Variants in DCC observed in about 807,000 individuals in gnomAD.
DCC encodes netrin receptor DCC.
In DCC, 58 loss-of-function variants were observed where a neutral mutation model predicts 172.5. The observed-to-expected ratio is 0.34, with a 90% CI of 0.27 to 0.42. The LOEUF (loss-of-function observed/expected upper bound fraction) is 0.42, where lower values mean the gene tolerates loss of function less well. Ranked by LOEUF, DCC falls within the 10% of genes least tolerant of loss-of-function variation. The pLI, the probability that DCC is intolerant of heterozygous loss-of-function variation, is 1.00. For synonymous variants in DCC, 709 were observed against 644.5 expected (o/e 1.10, Z -1.52); for missense variants, 1,740 against 1,791.0 (o/e 0.97, Z 0.51).
At chr18:53,309,924 A>ATG (rs1317368015) in intron 13 of DCC, among the ~76,000 whole-genome samples, 1 of 50,720 alleles carries the variant, frequency 2.0e-5, no homozygotes. Context: ...ATGTGCGTGT[A>ATG]TATATATATA....
At chr18:53,392,360 G>T (rs763810179) in intron 17 of DCC, among the ~76,000 whole-genome samples, 1 of 151,952 alleles carries the variant, frequency 6.6e-6, no homozygotes, top group Non-Finnish European at 1.5e-5. Context: ...AGCACTCTAA[G>T]CCATTAACAT....
At chr18:53,351,464 G>GTATATA (rs35650757) in intron 15 of DCC, among the ~76,000 whole-genome samples, 381 of 33,214 alleles carry the variant, frequency 0.011, 25 homozygotes, top group African/African-American at 0.038. Context: ...TATACACAGT[G>GTATATA]TGTATATATA....
At chr18:52,483,191 G>A (rs1328541439) in intron 1 of DCC, among the ~76,000 whole-genome samples, 1 of 152,060 alleles carries the variant, frequency 6.6e-6, no homozygotes, top group African/African-American at 2.4e-5. Context: ...ATTGGATTTA[G>A]GGTAGCCCCT....
At chr18:53,354,304 T>C in intron 15 of DCC, among the ~76,000 whole-genome samples, 1 of 152,176 alleles carries the variant, frequency 6.6e-6, no homozygotes, top group East Asian at 1.9e-4. Context: ...AGTCAAATGG[T>C]ATTTCTAGTT....
At chr18:53,134,664 TG>T (rs1279192952) in intron 7 of DCC, among the ~76,000 whole-genome samples, 1 of 152,154 alleles carries the variant, frequency 6.6e-6, no homozygotes, top group Non-Finnish European at 1.5e-5. Context: ...AATTTGACTC[TG>T]TGGTGGGTAG....
intron 1 of DCC, among the ~76,000 whole-genome samples, chr18:52,564,593 C>G (rs749526622): frequency 3.2e-4 from 47 of 147,992 alleles, no homozygotes; most frequent in Non-Finnish European, 4.4e-4. Context: ...AAGGAAACAA[C>G]TCTTCCAAAT....
At chr18:53,217,443 G>C (rs895525400) in intron 12 of DCC, among the ~76,000 whole-genome samples, 1 of 152,010 alleles carries the variant, frequency 6.6e-6, no homozygotes, top group Non-Finnish European at 1.5e-5. Context: ...TGCACTGCTA[G>C]AAAGTTTAAA....
chr18:53,032,754 C>T (rs1181385158), intron 5 of DCC, among the ~76,000 whole-genome samples: 1 of 152,084 alleles, frequency 6.6e-6, no homozygotes, highest in Admixed American at 6.6e-5. Context: ...TGCATGAGGA[C>T]ATAGGGATTC....
chr18:52,899,706 A>G (rs2039783261), intron 2 of DCC, among the ~76,000 whole-genome samples: 1 of 151,756 alleles, frequency 6.6e-6, no homozygotes, highest in African/African-American at 2.4e-5. Context: ...ATCGTGACCA[A>G]GTTGGTCTCA....
intron 2 of DCC, among the ~76,000 whole-genome samples, chr18:52,781,065 T>C (rs2037531941): frequency 6.6e-6 from 1 of 152,150 alleles, no homozygotes; most frequent in African/African-American, 2.4e-5. Context: ...CCAGGGAAAG[T>C]GTCTATTTTT....
At chr18:52,467,273 A>T (rs545567896) in intron 1 of DCC, among the ~76,000 whole-genome samples, 2 of 151,260 alleles carry the variant, frequency 1.3e-5, no homozygotes, top group Admixed American at 6.6e-5. Context: ...TTCAACTCCC[A>T]CTTATGAGTG....
At chr18:52,828,474 G>A (rs1307446429) in intron 2 of DCC, among the ~76,000 whole-genome samples, 1 of 151,902 alleles carries the variant, frequency 6.6e-6, no homozygotes, top group African/African-American at 2.4e-5. Flanking sequence ...TAATGGTTTT[G>A]ATCATGTGAT....
At chr18:53,345,323 T>G (rs1365756511) in intron 15 of DCC, among the ~76,000 whole-genome samples, 1 of 152,158 alleles carries the variant, frequency 6.6e-6, no homozygotes, top group Non-Finnish European at 1.5e-5. Context: ...TCTTTCCCAC[T>G]TTATTTAGGC....
chr18:53,360,555 C>T (rs2144930348), intron 15 of DCC, among the ~76,000 whole-genome samples: 1 of 152,130 alleles, frequency 6.6e-6, no homozygotes, highest in Admixed American at 6.5e-5. Flanking sequence ...AAAAAGTGGC[C>T]ATACAGTTCA....
chr18:52,991,573 C>T (rs2041392662), intron 5 of DCC, among the ~76,000 whole-genome samples: 1 of 152,174 alleles, frequency 6.6e-6, no homozygotes, highest in African/African-American at 2.4e-5. Flanking sequence ...TTCAGTTTCT[C>T]TCTCTACATG....
intron 5 of DCC, among the ~76,000 whole-genome samples, chr18:52,992,984 T>TA (rs5824983): frequency 0.027 from 3,509 of 131,078 alleles, 35 homozygotes; most frequent in Non-Finnish European, 0.034. Flanking sequence ...GTCTCAAATT[T>TA]AAAAAAAAAA....
intron 5 of DCC, among the ~76,000 whole-genome samples, chr18:52,964,725 A>T (rs2040901097): frequency 6.6e-6 from 1 of 152,168 alleles, no homozygotes. Context: ...TAAAAAAATT[A>T]CCACAAATGT....
chr18:52,669,888 G>A (rs1163441113), intron 1 of DCC, among the ~76,000 whole-genome samples: 2 of 152,270 alleles, frequency 1.3e-5, no homozygotes, highest in East Asian at 3.9e-4. Flanking sequence ...ACAAAGTGTG[G>A]TAGGGAAAGA....
At chr18:53,081,156 G>T (rs543354321) in intron 7 of DCC, among the ~76,000 whole-genome samples, 1 of 151,912 alleles carries the variant, frequency 6.6e-6, no homozygotes, top group African/African-American at 2.4e-5. Context: ...GGCAGACACA[G>T]ATTAGAACTG....
Sources: allele counts gnomAD v4.1 joint callset (sites outside exome capture counted in the v4.1 genomes callset), GRCh38; gene constraint gnomAD v4.1.1; transcripts MANE v1.5; gene names NCBI Gene and HGNC (gene_info 2026-07-23, HGNC 2026-07-21).